SPDYA: variants seen among roughly 807,000 people sequenced by gnomAD.
SPDYA encodes speedy protein A.
Under a neutral mutation model 36.7 loss-of-function variants are expected in SPDYA, and 11 were observed. The ratio of observed to expected loss-of-function variants is 0.30; its 90% CI spans 0.19 to 0.50. SPDYA has a LOEUF of 0.50. Among genes scored for constraint, SPDYA ranks in the 20% least tolerant of loss-of-function variants. The pLI is 0.98. For missense variants in SPDYA, 287 were observed against 370.9 expected (o/e 0.77, Z 1.86); for synonymous variants, 115 against 118.7 (o/e 0.97, Z 0.20).
intron 1 of SPDYA, among the ~76,000 whole-genome samples, chr2:28,814,074 G>A (rs1481283822): frequency 6.6e-6 from 1 of 152,144 alleles, no homozygotes; most frequent in African/African-American, 2.4e-5. Flanking sequence ...AAGAAAGATG[G>A]GATGAGAGGA....
At chr2:28,831,225 G>A (rs1668472288) in intron 6 of SPDYA, among the ~76,000 whole-genome samples, 1 of 152,052 alleles carries the variant, frequency 6.6e-6, no homozygotes, top group Non-Finnish European at 1.5e-5. Flanking sequence ...AGGCGTGGTG[G>A]TGCACACCTG....
chr2:28,843,270 C>CG (rs1558332433), intron 7 of SPDYA, among the ~76,000 whole-genome samples: 1 of 151,962 alleles, frequency 6.6e-6, no homozygotes, highest in African/African-American at 2.4e-5. Context: ...CTTTTGGGGC[C>CG]GGGCACGGTG....
intron 2 of SPDYA, among the ~76,000 whole-genome samples, chr2:28,815,165 C>T (rs1307523625): frequency 6.6e-6 from 1 of 151,600 alleles, no homozygotes; most frequent in Non-Finnish European, 1.5e-5. Flanking sequence ...ACCTGTGGTC[C>T]CAACTACAAG....
chr2:28,813,646 G>A (rs1359325819), intron 1 of SPDYA, among the ~76,000 whole-genome samples: 1 of 151,792 alleles, frequency 6.6e-6, no homozygotes, highest in Non-Finnish European at 1.5e-5. Context: ...CCGCCTCCCG[G>A]GTTCAAGCAA....
chr2:28,841,998 T>C (rs74771312), intron 7 of SPDYA: 151 of 152,350 alleles, frequency 9.9e-4, no homozygotes, highest in African/African-American at 3.5e-3. Flanking sequence ...CATAATATCA[T>C]TTAATATTCA....
At chr2:28,845,754 A>G in intron 7 of SPDYA, among the ~76,000 whole-genome samples, 1 of 151,838 alleles carries the variant, frequency 6.6e-6, no homozygotes, top group Admixed American at 6.6e-5. Flanking sequence ...CATGTTGGTC[A>G]GGCTGGTCTC....
intron 1 of SPDYA, among the ~76,000 whole-genome samples, chr2:28,812,983 C>G (rs7567861): frequency 1.3e-5 from 2 of 151,780 alleles, no homozygotes; most frequent in Non-Finnish European, 2.9e-5. Flanking sequence ...GTTTTCGTTC[C>G]TTTCCTCTTG....
At chr2:28,844,436 T>C (rs1668821206) in intron 7 of SPDYA, among the ~76,000 whole-genome samples, 1 of 152,168 alleles carries the variant, frequency 6.6e-6, no homozygotes. Context: ...TATCATGGTC[T>C]CTCTTGATGC....
intron 6 of SPDYA, among the ~76,000 whole-genome samples, chr2:28,835,282 ATGGCG>A (rs1668567562): frequency 6.6e-6 from 1 of 150,822 alleles, no homozygotes; most frequent in South Asian, 2.1e-4. Context: ...CTGGAGTGCA[ATGGCG>A]TGATCTTGGC....
intron 7 of SPDYA, among the ~76,000 whole-genome samples, chr2:28,847,008 G>A (rs183897985): frequency 6.2e-4 from 94 of 152,302 alleles, no homozygotes; most frequent in African/African-American, 2.2e-3. Context: ...TAGCTAAATA[G>A]AAGGGTAGAA....
intron 7 of SPDYA, among the ~76,000 whole-genome samples, chr2:28,846,773 A>ACACACACACACAC (rs1668888767): frequency 2.8e-5 from 4 of 142,946 alleles, no homozygotes; most frequent in African/African-American, 1.0e-4. Context: ...ACACACACAC[A>ACACACACACACAC]AAGGGAAGTG....
chr2:28,814,850 C>A (rs1667944817), intron 2 of SPDYA, among the ~76,000 whole-genome samples, 164 bp downstream of exon 2: 1 of 152,072 alleles, frequency 6.6e-6, no homozygotes, highest in African/African-American at 2.4e-5. Flanking sequence ...TAATCACCAC[C>A]AAAGAAGGTG....
intron 7 of SPDYA, chr2:28,840,902 C>A: frequency 2.2e-6 from 1 of 450,738 alleles, no homozygotes; most frequent in Non-Finnish European, 2.9e-6. Context: ...AGTATTTTCC[C>A]ATGTCATTAT....
At chr2:28,845,821 A>G (rs1668858117) in intron 7 of SPDYA, among the ~76,000 whole-genome samples, 1 of 152,288 alleles carries the variant, frequency 6.6e-6, no homozygotes, top group East Asian at 1.9e-4. Context: ...CTGGGATTAC[A>G]GGCGTGAGCC....
At chr2:28,824,554 T>TTTTTTTTTTCTTTC (rs1329705611) in intron 5 of SPDYA, among the ~76,000 whole-genome samples, 20 of 128,720 alleles carry the variant, frequency 1.6e-4, no homozygotes, top group East Asian at 8.0e-4. Flanking sequence ...TCTTTCTTTC[T>TTTTTTTTTTCTTTC]TTTTTTTTTT....
chr2:28,849,191 AG>A (rs976666922), intron 7 of SPDYA, among the ~76,000 whole-genome samples: 1 of 152,204 alleles, frequency 6.6e-6, no homozygotes, highest in African/African-American at 2.4e-5. Context: ...ACATATATAA[AG>A]TTTTCAAAAC....
chr2:28,816,375 A>G, intron 3 of SPDYA, 126 bp downstream of exon 3: 2 of 740,904 alleles, frequency 2.7e-6, no homozygotes, highest in Non-Finnish European at 4.0e-6. Context: ...CCCATCTCCA[A>G]CCAAATTTGT....
intron 6 of SPDYA, among the ~76,000 whole-genome samples, chr2:28,834,939 C>T (rs1668558355): frequency 6.6e-6 from 1 of 152,138 alleles, no homozygotes; most frequent in African/African-American, 2.4e-5. Flanking sequence ...TCCAATTTTC[C>T]TCATAGCACT....
At chr2:28,818,157 C>T (rs1240981798) in intron 3 of SPDYA, among the ~76,000 whole-genome samples, 2 of 151,940 alleles carry the variant, frequency 1.3e-5, no homozygotes, top group Non-Finnish European at 2.9e-5. Context: ...CAAAGTGAGA[C>T]CCTGTTTAAA....
Sources: allele counts gnomAD v4.1 joint callset (sites outside exome capture counted in the v4.1 genomes callset), GRCh38; gene constraint gnomAD v4.1.1; transcripts MANE v1.5; gene names NCBI Gene and HGNC (gene_info 2026-07-23, HGNC 2026-07-21).